ELOVL2: variants seen among roughly 807,000 people sequenced by gnomAD.
ELOVL2 encodes very long chain fatty acid elongase 2.
A neutral mutation model predicts 37.7 loss-of-function variants in ELOVL2; 38 were observed. That is an observed-to-expected ratio of 1.01 (90% CI 0.78 to 1.32). The LOEUF (loss-of-function observed/expected upper bound fraction) is 1.32, where lower values mean the gene tolerates loss of function less well. ELOVL2 is among the 40% of genes most tolerant of loss of function. ELOVL2 has a pLI of 0.00. For missense variants in ELOVL2, 352 were observed against 363.6 expected (o/e 0.97, Z 0.26); for synonymous variants, 115 against 122.3 (o/e 0.94, Z 0.40).
intron 1 of ELOVL2, among the ~76,000 whole-genome samples, chr6:11,017,566 T>C (rs903428204): frequency 6.6e-6 from 1 of 152,222 alleles, no homozygotes; most frequent in Non-Finnish European, 1.5e-5. Context: ...GAACTATTGC[T>C]GCAGTTTGGT....
chr6:11,008,283 C>G (rs1782512396), intron 2 of ELOVL2, among the ~76,000 whole-genome samples: 1 of 152,166 alleles, frequency 6.6e-6, no homozygotes, highest in Non-Finnish European at 1.5e-5. Flanking sequence ...ATAAAATGAC[C>G]AATGCAGAGT....
chr6:11,029,138 G>A (rs1188222534), intron 1 of ELOVL2, among the ~76,000 whole-genome samples: 1 of 140,144 alleles, frequency 7.1e-6, no homozygotes, highest in Non-Finnish European at 1.5e-5. Flanking sequence ...TGAGGCGCAA[G>A]AATTACTTGA....
chr6:11,008,372 T>C (rs1389962081), intron 2 of ELOVL2, among the ~76,000 whole-genome samples: 1 of 152,208 alleles, frequency 6.6e-6, no homozygotes, highest in Admixed American at 6.5e-5. Flanking sequence ...GCAGCAAAGC[T>C]CAGTGAACTT....
chr6:11,035,388 G>A (rs1289104643), intron 1 of ELOVL2, among the ~76,000 whole-genome samples: 1 of 152,208 alleles, frequency 6.6e-6, no homozygotes, highest in African/African-American at 2.4e-5. Flanking sequence ...CCGACCTCAC[G>A]TAGCCTAGGA....
chr6:11,043,141 T>C (rs1392233436), intron 1 of ELOVL2, among the ~76,000 whole-genome samples: 2 of 152,054 alleles, frequency 1.3e-5, no homozygotes, highest in Admixed American at 1.3e-4. Flanking sequence ...GGTACGTGCC[T>C]AAAAGGGTAG....
At position 11,010,817 on chromosome 6, in the gene ELOVL2, GAGAA is replaced by G; in HGVS notation, c.4-12_4-9del. 6.3e-7 allele frequency: 1 copy of G among 1,597,198 alleles called. No individual in the cohort carries two copies. The highest frequency in any genetic ancestry group is 8.5e-7 in the Non-Finnish European group (1 of 1,173,690). ...AAAGGCCTTTAGATGTTCCTAAAAA[GAGAA>G]AGAAAAAATGATTTAAGTGTTTTTT... is the stretch of plus-strand genomic sequence containing the variant. On this transcript the variant is annotated splice_polypyrimidine_tract_variant and intron_variant, in intron 1 of 7. Transcript: ENST00000354666.
rs1341764467 is a variant in ELOVL2 at position 11,043,473 on chromosome 6, C to CACACACACACACACACA, written c.3+754_3+755insTGTGTGTGTGTGTGTGT. 3.3e-4 allele frequency: 51 copies of CACACACACACACACACA among 152,832 alleles called. 1 individual carries two copies. Among genetic ancestry groups the CACACACACACACACACA allele is most frequent in the African/African-American group, 9.6e-4 (39 of 40,582 alleles). 9.5% of individuals were successfully genotyped at this position (152,832 alleles called of 1,614,324 possible). On this transcript the variant is annotated intron_variant, in intron 1 of 7. Transcript: ENST00000354666. Reference sequence around the variant, plus strand: ...AGTTCATCGGACACGGGTGAACACACACACACACACACACAGCTTACTGCC... The same window carrying CACACACACACACACACA: ...AGTTCATCGGACACGGGTGAACACACACACACACACACACACAACACACACACACACAGCTTACTGCC...
chr6:11,028,516 T>C (rs575005682), intron 1 of ELOVL2, among the ~76,000 whole-genome samples: 65 of 152,272 alleles, frequency 4.3e-4, no homozygotes, highest in African/African-American at 1.5e-3. Flanking sequence ...TACCTATTGA[T>C]TGGTTTATAA....
chr6:11,004,896 C>A (rs902858276), intron 3 of ELOVL2, among the ~76,000 whole-genome samples: 1 of 152,176 alleles, frequency 6.6e-6, no homozygotes, highest in Non-Finnish European at 1.5e-5. Flanking sequence ...CAGTGGCTCA[C>A]ACCTGTACTC....
chr6:11,025,158 T>C (rs1039556544), intron 1 of ELOVL2, among the ~76,000 whole-genome samples: 5 of 152,166 alleles, frequency 3.3e-5, no homozygotes, highest in African/African-American at 1.2e-4. Flanking sequence ...AAATCATATT[T>C]CCTCAGTTTT....
intron 2 of ELOVL2, among the ~76,000 whole-genome samples, chr6:11,008,026 G>A (rs1447555510): frequency 6.6e-6 from 1 of 152,134 alleles, no homozygotes; most frequent in Non-Finnish European, 1.5e-5. Flanking sequence ...CTCTTCCTCT[G>A]AGTCAGTATT....
chr6:11,023,794 T>C (rs1782802499), intron 1 of ELOVL2, among the ~76,000 whole-genome samples: 1 of 152,116 alleles, frequency 6.6e-6, no homozygotes, highest in South Asian at 2.1e-4. Flanking sequence ...TCCCTCAGCA[T>C]TTAAATCTGA....
intron 3 of ELOVL2, among the ~76,000 whole-genome samples, chr6:11,003,479 T>C (rs973525674): frequency 2.6e-5 from 4 of 152,264 alleles, no homozygotes; most frequent in Non-Finnish European, 5.9e-5. Context: ...GCAAAGGACA[T>C]GAATCTCATT....
At chr6:10,995,208 G>A (rs776612469) in intron 4 of ELOVL2, 30 bp from the exon 5 acceptor site, 4 of 1,530,604 alleles carry the variant, frequency 2.6e-6, no homozygotes, top group Admixed American at 1.8e-5. Context: ...GGAGAAAAGG[G>A]TGAGAAATGG....
Position 10,983,506 on chromosome 6 carries a change from C to T in ELOVL2, c.*275G>A, listed in dbSNP as rs1781983362. 1 of 268,116 alleles carries T rather than the reference C, an allele frequency of 3.7e-6. No individual in the cohort carries two copies. 16.6% of individuals were successfully genotyped at this position (268,116 alleles called of 1,614,324 possible). ...GTATGCGTATAAGGCGTTATAAGGACAGCTTCTGGCGAAAGGTTCAGTCTG... is the reference window on the plus strand; with the variant it reads ...GTATGCGTATAAGGCGTTATAAGGATAGCTTCTGGCGAAAGGTTCAGTCTG... On this transcript the variant is annotated 3_prime_UTR_variant, in exon 8 of 8. Coordinates refer to ENST00000354666, the MANE Select transcript of ELOVL2 (RefSeq NM_017770.4).
chr6:11,041,628 T>C (rs914785248), intron 1 of ELOVL2, among the ~76,000 whole-genome samples: 29 of 152,200 alleles, frequency 1.9e-4, no homozygotes, highest in Admixed American at 1.9e-3. Context: ...CAAACTTATA[T>C]TTCTTTCCTT....
intron 3 of ELOVL2, among the ~76,000 whole-genome samples, chr6:11,004,330 A>G (rs1271758618): frequency 6.6e-6 from 1 of 152,022 alleles, no homozygotes; most frequent in Non-Finnish European, 1.5e-5. Flanking sequence ...TATTTGTGCC[A>G]TTATCCACCG....
intron 7 of ELOVL2, among the ~76,000 whole-genome samples, chr6:10,984,827 G>A (rs1328977858): frequency 6.6e-6 from 1 of 151,890 alleles, no homozygotes; most frequent in East Asian, 1.9e-4. Flanking sequence ...ACATACGTGT[G>A]CATGTGTCTT....
chr6:11,016,742 ATTATT>A (rs1782690760), intron 1 of ELOVL2, among the ~76,000 whole-genome samples: 1 of 152,144 alleles, frequency 6.6e-6, no homozygotes, highest in African/African-American at 2.4e-5. Flanking sequence ...TCCTGGGGGG[ATTATT>A]CCCAGCCAGT....
Sources: allele counts gnomAD v4.1 joint callset (sites outside exome capture counted in the v4.1 genomes callset), GRCh38; gene constraint gnomAD v4.1.1; transcripts MANE v1.5; gene names NCBI Gene and HGNC (gene_info 2026-07-23, HGNC 2026-07-21).